MGAM2: variants seen among roughly 807,000 people sequenced by gnomAD.
The protein encoded by MGAM2 is maltase-glucoamylase 2 (putative), also known as probable maltase-glucoamylase 2.
In MGAM2, 98 loss-of-function variants were observed where a neutral mutation model predicts 96.1. The ratio of observed to expected loss-of-function variants is 1.02; its 90% CI spans 0.87 to 1.21. The LOEUF (loss-of-function observed/expected upper bound fraction) is 1.21. Among genes scored for constraint, MGAM2 ranks in the 50% most tolerant of loss-of-function variants. MGAM2 has a pLI of 0.00. For missense variants in MGAM2, 2,055 were observed against 1,182.4 expected (o/e 1.74, Z -10.82); for synonymous variants, 749 against 414.8 (o/e 1.81, Z -9.79).
At position 142,196,707 on chromosome 7, in the gene MGAM2, C is replaced by G. The variant is rs745581449; in HGVS notation, c.4523C>G (p.Ala1508Gly). Reference protein sequence around the residue: ...FSLFGIPYTGADICGFFGDAE... With the variant: ...FSLFGIPYTGGDICGFFGDAE... The stretch of plus-strand genomic sequence containing the variant: ...CATTATGCATCTTCTCAGACAGGAG[C>G]AGATATCTGTGGGTTCTTTGGAGAT... The change falls in exon 40 of 48, where the codon GCA (alanine) becomes GGA (glycine). Residue 1508 changes from alanine (A) to glycine (G), a missense_variant. Physicochemically the swap from Ala to Gly is moderately conservative, Grantham distance 60. Transcript: ENST00000477922. 1 of 787,366 alleles carries G rather than the reference C, an allele frequency of 1.3e-6. No individual in the cohort carries two copies. Among genetic ancestry groups the G allele is most frequent in the Non-Finnish European group, 2.4e-6 (1 of 424,572 alleles). The allele number at this position is 787,366 out of a possible 1,614,324, so 48.8% of individuals were successfully genotyped here. A position where few individuals can be genotyped will look rare whatever the true frequency, so the allele number is the denominator to read the frequency against.
chr7:142,145,145 T>A (rs190308564), intron 14 of MGAM2, among the ~76,000 whole-genome samples, 200 bp downstream of exon 14: 2 of 152,162 alleles, frequency 1.3e-5, no homozygotes, highest in Non-Finnish European at 1.5e-5. Flanking sequence ...AGGGCAAGCA[T>A]GTGACAAAGT....
chr7:142,115,851 TATAA>T (rs561110016), intron 1 of MGAM2, among the ~76,000 whole-genome samples: 1 of 151,948 alleles, frequency 6.6e-6, no homozygotes, highest in African/African-American at 2.4e-5. Context: ...TCTCAAAATA[TATAA>T]ATAAATAAAT....
At chr7:142,194,529 AT>A (rs67949265) in intron 37 of MGAM2, among the ~76,000 whole-genome samples, 34,507 of 151,964 alleles carry the variant, frequency 0.23, 4,202 homozygotes, top group Non-Finnish European at 0.27. Flanking sequence ...CCTCACCCCC[AT>A]TTCTTTATCA....
intron 1 of MGAM2, among the ~76,000 whole-genome samples, chr7:142,115,066 A>T (rs1196178464): frequency 6.6e-6 from 1 of 152,122 alleles, no homozygotes; most frequent in African/African-American, 2.4e-5. Flanking sequence ...AAATACAAAA[A>T]GTTAGCCACA....
chr7:142,166,394 G>C (rs1796027859), intron 25 of MGAM2, 141 bp downstream of exon 25: 1 of 521,804 alleles, frequency 1.9e-6, no homozygotes. Context: ...TAGGTCATCA[G>C]TATTTTCCTC....
Position 142,170,139 on chromosome 7 carries a change from T to C in MGAM2, c.3092T>C (p.Val1031Ala), listed in dbSNP as rs771491586. ...CCACTGAACACCCCTCCCCAACCAG[T>C]TGGTGACCCTGAAAACCGTCTGTAT... ...PVPLNTPPQPVGDPENRLYDV... is the reference protein window; with the variant it reads ...PVPLNTPPQPAGDPENRLYDV... Residue 1031 changes from valine (V) to alanine (A), a missense_variant, in exon 27 of 48, where the codon GTT becomes GCT. Physicochemically the swap from Val to Ala is moderately conservative, Grantham distance 64 (BLOSUM62 0). Transcript: ENST00000477922. 1 of 702,938 alleles carries C rather than the reference T, an allele frequency of 1.4e-6. No individual in the cohort carries two copies. The highest frequency in any genetic ancestry group is 1.5e-5 in the South Asian group (1 of 67,600). The allele number at this position is 702,938 out of a possible 1,614,324, so 43.5% of individuals were successfully genotyped here.
In MGAM2 at chr7:142,199,883, A is replaced by G. The variant is rs762535508; in HGVS notation, c.5052A>G (p.Arg1684=). The change falls in exon 45 of 48, where the codon CGA becomes CGG. Residue 1684 remains arginine (R), a synonymous_variant. Coordinates refer to ENST00000477922, the MANE Select transcript of MGAM2 (RefSeq NM_001293626.2). ...CTCTTTTTTTTTTTTTTGGTAGTCGACAAAATTTTATGGGATTGATTGTTG... is the reference window on the plus strand; with the variant it reads ...CTCTTTTTTTTTTTTTTGGTAGTCGGCAAAATTTTATGGGATTGATTGTTG... ...QEPAMNTHSS[R]QNFMGLIVAL... The G allele has an allele frequency of 1.5e-6, 1 of 650,692 alleles. No homozygotes were observed. The highest frequency in any genetic ancestry group is 1.7e-5 in the South Asian group (1 of 58,898). The allele number at this position is 650,692 out of a possible 1,614,324, so 40.3% of individuals were successfully genotyped here. A position where few individuals can be genotyped will look rare whatever the true frequency, so the allele number is the denominator to read the frequency against.
At chr7:142,125,655 T>C (rs1794715145) in intron 3 of MGAM2, among the ~76,000 whole-genome samples, 1 of 152,188 alleles carries the variant, frequency 6.6e-6, no homozygotes. Flanking sequence ...GATTGTATGG[T>C]TATAATATAA....
chr7:142,149,687 G>C (rs955241716), intron 15 of MGAM2, among the ~76,000 whole-genome samples: 30 of 151,504 alleles, frequency 2.0e-4, no homozygotes, highest in Admixed American at 1.1e-3. Flanking sequence ...ACTACAGGCA[G>C]CTGCCACCAC....
In MGAM2 at chr7:142,161,754, C is replaced by T. The variant is rs151245265; in HGVS notation, c.2435-201C>T. Among the ~76,000 whole-genome samples the T allele has an allele frequency of 1.5e-4, 23 of 152,154 alleles. 1 individual carries two copies. The South Asian group carries it at 3.3e-3, about 22-fold the overall frequency. On this transcript the variant is annotated intron_variant, in intron 22 of 47. Transcript: ENST00000477922. ...CAAATCAAAATGTTTTACATGCCAGCGAAATGGTACCACAGACTGACATGT... is the reference window on the plus strand; with the variant it reads ...CAAATCAAAATGTTTTACATGCCAGTGAAATGGTACCACAGACTGACATGT...
At chr7:142,129,543 G>A (rs1457757501) in intron 3 of MGAM2, among the ~76,000 whole-genome samples, 1 of 151,918 alleles carries the variant, frequency 6.6e-6, no homozygotes, top group Non-Finnish European at 1.5e-5. Flanking sequence ...TTCAATTGTA[G>A]GCCAGGCGCG....
intron 5 of MGAM2, 94 bp from the exon 6 acceptor site, chr7:142,131,837 A>G (rs1794897440): frequency 1.6e-6 from 1 of 624,928 alleles, no homozygotes; most frequent in Non-Finnish European, 2.9e-6. Context: ...AGCTATTCTC[A>G]TGGGGTGTCA....
Position 142,221,590 on chromosome 7 carries a change from C to T in MGAM2, c.7079C>T (p.Thr2360Ile), listed in dbSNP as rs1797930318. 3 of 507,990 alleles carry T rather than the reference C, an allele frequency of 5.9e-6. No homozygotes were observed. Among genetic ancestry groups the T allele is most frequent in the Non-Finnish European group, 1.0e-5 (3 of 291,528 alleles). The allele number at this position is 507,990 out of a possible 1,614,324, so 31.5% of individuals were successfully genotyped here. Residue 2360 changes from threonine (T) to isoleucine (I), a missense_variant, in exon 48 of 48, where the codon ACT (threonine) becomes ATT (isoleucine). Transcript: ENST00000477922. The stretch of plus-strand genomic sequence containing the variant: ...ATGGTAATAGATGCTACGGTCACTA[C>T]TACCAGCACCAAAGATAATACCATG... Reference protein sequence around the residue: ...STMVIDATVTTTSTKDNTMSP... With the variant: ...STMVIDATVTITSTKDNTMSP...
In MGAM2 at chr7:142,132,001, A is replaced by G. The variant is rs1034376182; in HGVS notation, c.491A>G (p.Asp164Gly). 3 of 703,096 alleles carry G rather than the reference A, an allele frequency of 4.3e-6. No homozygotes were observed. The allele number at this position is 703,096 out of a possible 1,614,324, so 43.6% of individuals were successfully genotyped here. Residue 164 changes from aspartate to glycine, a missense_variant, in exon 6 of 48, where the codon GAT becomes GGT. Asp to Gly is a moderately conservative substitution (Grantham distance 94). Coordinates refer to ENST00000477922, the MANE Select transcript of MGAM2 (RefSeq NM_001293626.2). The part of the protein sequence containing the change: ...ENINLVDGIA[D>G]ASNLSYYVEV... ...ATTAACCTGGTTGATGGGATTGCTG[A>G]TGCCTCCAATTTGAGCTATTACGTG...
In MGAM2 at chr7:142,194,696, A is replaced by ATGTGTGTGTGTGTG. The variant is rs72262078; in HGVS notation, c.4347-1438_4347-1425dup. Among the ~76,000 whole-genome samples, 1,039 of 138,418 alleles carry ATGTGTGTGTGTGTG rather than the reference A, an allele frequency of 7.5e-3. 8 individuals are homozygous for ATGTGTGTGTGTGTG. The highest frequency in any genetic ancestry group is 0.028 in the African/African-American group (1,010 of 36,266). The allele number at this position is 138,418 out of a possible 152,430, so 90.8% of individuals were successfully genotyped here. A position where few individuals can be genotyped will look rare whatever the true frequency, so the allele number is the denominator to read the frequency against. On this transcript the variant is annotated intron_variant, in intron 37 of 47. Transcript: ENST00000477922. ...TTCAGTTTTAATAGAACATGTGTGT[A>ATGTGTGTGTGTGTG]TGTGTGTGTGTGTGTGTGTGTGTGT...
intron 32 of MGAM2, among the ~76,000 whole-genome samples, chr7:142,179,721 C>T (rs1796482376): frequency 6.6e-6 from 1 of 152,130 alleles, no homozygotes; most frequent in Admixed American, 6.6e-5. Context: ...CCTACTTGAA[C>T]ATGGTCAGTT....
chr7:142,142,524 G>GTTT lies in MGAM2; in HGVS notation c.1318-1223_1318-1221dup, dbSNP rs746342532. 1.5e-3 allele frequency among the ~76,000 whole-genome samples: 122 copies of GTTT among 78,882 alleles called. 2 individuals are homozygous for GTTT. The highest frequency in any genetic ancestry group is 9.3e-3 in the Middle Eastern group (1 of 108). The allele number at this position is 78,882 out of a possible 152,430, so 51.7% of individuals were successfully genotyped here. A position where few individuals can be genotyped will look rare whatever the true frequency, so the allele number is the denominator to read the frequency against. On this transcript the variant is annotated intron_variant, in intron 12 of 47. Coordinates refer to ENST00000477922, the MANE Select transcript of MGAM2 (RefSeq NM_001293626.2). ...GTAGTGGAGGTGCATAGTGGTGTGT[G>GTTT]TTTTTTTTTTTTTTTTTTTTTTTTG... is the stretch of plus-strand genomic sequence containing the variant.
At chr7:142,200,713 C>T (rs1300459559) in intron 45 of MGAM2, among the ~76,000 whole-genome samples, 1 of 152,046 alleles carries the variant, frequency 6.6e-6, no homozygotes, top group Non-Finnish European at 1.5e-5. Context: ...TCTAGAGATT[C>T]CTTCTTTTTT....
intron 1 of MGAM2, among the ~76,000 whole-genome samples, chr7:142,113,785 G>A (rs1817255164): frequency 1.3e-5 from 2 of 152,078 alleles, no homozygotes; most frequent in South Asian, 2.1e-4. Flanking sequence ...TACCCAACGT[G>A]TCTGCGTAGT....
Sources: gnomAD v4.1 joint callset for allele counts (sites outside exome capture counted in the v4.1 genomes callset) on GRCh38, gnomAD v4.1.1 for gene constraint, MANE v1.5 for transcripts, NCBI Gene and HGNC (gene_info 2026-07-23, HGNC 2026-07-21) for gene names.